Variants in CCSER2 observed in about 807,000 individuals in gnomAD.
CCSER2 encodes serine-rich coiled-coil domain-containing protein 2.
In CCSER2, 46 loss-of-function variants were observed where a neutral mutation model predicts 92.3. That is an observed-to-expected ratio of 0.50 (90% confidence interval 0.39 to 0.64). CCSER2 has a LOEUF of 0.64. Ranked by LOEUF, CCSER2 falls within the 30% of genes least tolerant of loss-of-function variation. The pLI is 0.00. For missense variants in CCSER2, 1,244 were observed against 1,238.9 expected, an observed-to-expected ratio of 1.00 and a Z score of -0.06; for synonymous variants, 433 against 431.4, an observed-to-expected ratio of 1.00 and a Z score of -0.04.
chr10:84,465,546 G>A (rs777945509), intron 7 of CCSER2, among the ~76,000 whole-genome samples: 3 of 151,306 alleles, frequency 2.0e-5, no homozygotes, highest in Non-Finnish European at 2.9e-5. Flanking sequence ...GGCTGGTCTC[G>A]AACTCCTGAC....
At chr10:84,363,673 C>G (rs1026394154) in intron 1 of CCSER2, among the ~76,000 whole-genome samples, 1 of 152,178 alleles carries the variant, frequency 6.6e-6, no homozygotes, top group Non-Finnish European at 1.5e-5. Context: ...AGTGACAGCT[C>G]TTACTGTTCT....
intron 1 of CCSER2, among the ~76,000 whole-genome samples, chr10:84,352,525 T>C (rs889122627): frequency 1.3e-5 from 2 of 151,610 alleles, no homozygotes; most frequent in African/African-American, 4.8e-5. Flanking sequence ...TCTCGGTGAG[T>C]GGGCAAGGTT....
intron 3 of CCSER2, among the ~76,000 whole-genome samples, chr10:84,397,122 G>A (rs1200721980): frequency 6.6e-6 from 1 of 152,152 alleles, no homozygotes; most frequent in Admixed American, 6.5e-5. Flanking sequence ...AAGTTGCTAT[G>A]CATGGTATTC....
At chr10:84,406,590 A>C (rs1014778532) in intron 3 of CCSER2, among the ~76,000 whole-genome samples, 4 of 152,192 alleles carry the variant, frequency 2.6e-5, no homozygotes, top group Admixed American at 2.6e-4. Flanking sequence ...TTTTAATTCC[A>C]GTCAGTCTTA....
intron 7 of CCSER2, among the ~76,000 whole-genome samples, chr10:84,468,134 G>T (rs901188731): frequency 1.3e-5 from 2 of 152,158 alleles, no homozygotes; most frequent in African/African-American, 4.8e-5. Context: ...CAGCGACACT[G>T]CTTATACTTC....
chr10:84,356,101 C>CA lies in CCSER2; in HGVS notation c.-39-14894dup, dbSNP rs57079136. 7.1e-3 allele frequency among the ~76,000 whole-genome samples: 594 copies of CA among 83,926 alleles called. 4 individuals are homozygous for CA. The highest frequency in any genetic ancestry group is 0.056 in the East Asian group (142 of 2,554). 55.1% of individuals were successfully genotyped at this position (83,926 alleles called of 152,430 possible). A position where few individuals can be genotyped will look rare whatever the true frequency, so the allele number is the denominator to read the frequency against. The stretch of plus-strand genomic sequence containing the variant: ...CTGGGTGACAAGAGTGAAACTGTCT[C>CA]AAAAAAAAAAAAAAAAAAAGGTGTT... On this transcript the variant is annotated intron_variant, in intron 1 of 9. Coordinates refer to ENST00000372088, the MANE Select transcript of CCSER2 (RefSeq NM_001284240.2).
At chr10:84,448,172 C>A (rs1222296644) in intron 6 of CCSER2, among the ~76,000 whole-genome samples, 2 of 152,028 alleles carry the variant, frequency 1.3e-5, no homozygotes, top group East Asian at 3.9e-4. Context: ...GCCCTCCTTA[C>A]CCATTTTGGA....
In CCSER2 at chr10:84,443,584, C is replaced by T. The variant is rs191031614; in HGVS notation, c.2064+4877C>T. 7.8e-4 allele frequency among the ~76,000 whole-genome samples: 118 copies of T among 152,094 alleles called. 1 individual carries two copies. The highest frequency in any genetic ancestry group is 8.3e-4 in the South Asian group (4 of 4,820). ...TCAACCATTGTGGAAGACAGTGTAG[C>T]GATTCCTCAAGGATCTAGAACCAGA... On this transcript the variant is annotated intron_variant, in intron 6 of 9. Coordinates refer to ENST00000372088, the MANE Select transcript of CCSER2 (RefSeq NM_001284240.2).
At chr10:84,356,666 G>C (rs746508801) in intron 1 of CCSER2, among the ~76,000 whole-genome samples, 32 of 152,302 alleles carry the variant, frequency 2.1e-4, no homozygotes, top group Non-Finnish European at 3.8e-4. Context: ...TCAGGGAAGA[G>C]ATCGGTTTCT....
At chr10:84,499,637 T>G (rs2131834857) in intron 9 of CCSER2, among the ~76,000 whole-genome samples, 1 of 152,262 alleles carries the variant, frequency 6.6e-6, no homozygotes, top group Non-Finnish European at 1.5e-5. Flanking sequence ...TTCTTGTACA[T>G]TGTACTACAA....
chr10:84,359,280 C>T (rs1845369482), intron 1 of CCSER2, among the ~76,000 whole-genome samples: 1 of 152,120 alleles, frequency 6.6e-6, no homozygotes, highest in Admixed American at 6.6e-5. Context: ...GGTGCACCTG[C>T]AACTCTGAAG....
intron 6 of CCSER2, among the ~76,000 whole-genome samples, chr10:84,451,362 C>T (rs1426044100): frequency 6.6e-6 from 1 of 150,712 alleles, no homozygotes; most frequent in Non-Finnish European, 1.5e-5. Context: ...AGTACTGCAG[C>T]CTCAAACTTC....
chr10:84,504,216 A>G (rs1301116184), intron 9 of CCSER2, among the ~76,000 whole-genome samples: 1 of 152,172 alleles, frequency 6.6e-6, no homozygotes, highest in East Asian at 1.9e-4. Flanking sequence ...TTAGGTTTTA[A>G]TATACTGACT....
At chr10:84,361,018 A>G (rs1237483764) in intron 1 of CCSER2, among the ~76,000 whole-genome samples, 1 of 152,126 alleles carries the variant, frequency 6.6e-6, no homozygotes, top group Non-Finnish European at 1.5e-5. Flanking sequence ...CTGCTTCCCC[A>G]GCAGTTTAAG....
chr10:84,334,689 A>G (rs1192754138), intron 1 of CCSER2, among the ~76,000 whole-genome samples: 1 of 152,128 alleles, frequency 6.6e-6, no homozygotes, highest in Non-Finnish European at 1.5e-5. Flanking sequence ...ATAATTAAGA[A>G]TCTCTGTTTT....
chr10:84,385,034 C>CACACACACACACACACA (rs61236890), intron 3 of CCSER2, among the ~76,000 whole-genome samples: 3 of 151,426 alleles, frequency 2.0e-5, no homozygotes, highest in Admixed American at 6.6e-5. Flanking sequence ...CACACACACA[C>CACACACACACACACACA]CCAGGAATAC....
intron 5 of CCSER2, among the ~76,000 whole-genome samples, chr10:84,433,783 T>A (rs1021031278): frequency 2.0e-5 from 3 of 152,194 alleles, no homozygotes; most frequent in Non-Finnish European, 4.4e-5. Context: ...TTTTTTTTTA[T>A]CTTGTTGATT....
chr10:84,440,168 G>A (rs1022719324), intron 6 of CCSER2, among the ~76,000 whole-genome samples: 3 of 152,100 alleles, frequency 2.0e-5, no homozygotes, highest in African/African-American at 7.2e-5. Context: ...ATAAAAAAGT[G>A]TTTTTTGAGG....
chr10:84,501,459 C>T (rs866527749), intron 9 of CCSER2, among the ~76,000 whole-genome samples: 7 of 151,992 alleles, frequency 4.6e-5, no homozygotes, highest in Admixed American at 1.3e-4. Context: ...AGCTGTAATA[C>T]GGAATTGAAG....
Sources: gnomAD v4.1 joint callset for allele counts (sites outside exome capture counted in the v4.1 genomes callset) on GRCh38, gnomAD v4.1.1 for gene constraint, MANE v1.5 for transcripts, NCBI Gene and HGNC (gene_info 2026-07-23, HGNC 2026-07-21) for gene names.